The following AGAP1 variants were observed in gnomAD, a reference collection of about 807,000 sequenced individuals.
AGAP1 encodes the protein arf-GAP with GTPase, ANK repeat and PH domain-containing protein 1.
In AGAP1, 29 loss-of-function variants were observed where a neutral mutation model predicts 105.3. The observed-to-expected ratio is 0.28, with a 90% CI of 0.21 to 0.38. The LOEUF is 0.38. Ranked by LOEUF, AGAP1 falls within the 10% of genes least tolerant of loss-of-function variation. The probability of loss-of-function intolerance (pLI) is 1.00; values close to 1 mark genes in which losing one functional copy is unlikely to be tolerated. For missense variants in AGAP1, 998 were observed against 1,165.1 expected (o/e 0.86, Z 2.09); for synonymous variants, 509 against 485.9 (o/e 1.05, Z -0.63).
Position 235,792,442 on chromosome 2 carries a change from T to C in AGAP1, c.674-5317T>C, listed in dbSNP as rs576079197. Among the ~76,000 whole-genome samples the C allele has an allele frequency of 1.3e-5, 2 of 152,318 alleles. No individual in the cohort carries two copies. Among genetic ancestry groups the C allele is most frequent in the African/African-American group, 4.8e-5 (2 of 41,566 alleles). ...CAAACATGAAAGAGCCCAGTTTTGC[T>C]AAGGAGCTGTTGAAAAACTGGAAAT... On this transcript the variant is annotated intron_variant, in intron 6 of 17. Coordinates refer to ENST00000304032, the MANE Select transcript of AGAP1 (RefSeq NM_001037131.3). The surrounding 1 kb of genome is among the most constrained non-coding windows in gnomAD (Gnocchi z 5.3).
At chr2:235,497,635 C>T (rs1225312380) in intron 1 of AGAP1, among the ~76,000 whole-genome samples, 1 of 152,224 alleles carries the variant, frequency 6.6e-6, no homozygotes, top group African/African-American at 2.4e-5. Context: ...CTCGCTCTGT[C>T]GCCCAGGCTG....
intron 1 of AGAP1, among the ~76,000 whole-genome samples, chr2:235,708,364 A>G (rs1019674420): frequency 1.8e-4 from 27 of 152,156 alleles, no homozygotes; most frequent in Admixed American, 1.2e-3. Flanking sequence ...ATTTATGATA[A>G]GAAATGGCAT....
chr2:235,990,638 C>T (rs1002839216), intron 13 of AGAP1, among the ~76,000 whole-genome samples: 2 of 152,134 alleles, frequency 1.3e-5, no homozygotes, highest in Admixed American at 1.3e-4. Flanking sequence ...AGTCTTGTTT[C>T]CTCTGTGACC....
At chr2:235,868,723 G>C (rs1038254490) in intron 9 of AGAP1, among the ~76,000 whole-genome samples, 1 of 152,236 alleles carries the variant, frequency 6.6e-6, no homozygotes, top group African/African-American at 2.4e-5. Context: ...TTTTATCACA[G>C]CTTGGGGCTG....
At chr2:235,817,164 T>A (rs1328081914) in intron 9 of AGAP1, among the ~76,000 whole-genome samples, 1 of 152,120 alleles carries the variant, frequency 6.6e-6, no homozygotes, top group Non-Finnish European at 1.5e-5. Context: ...CCGTGGAACT[T>A]ATGGCACTTG....
At chr2:235,715,992 G>T (rs914692483) in intron 2 of AGAP1, among the ~76,000 whole-genome samples, 1 of 152,228 alleles carries the variant, frequency 6.6e-6, no homozygotes, top group Admixed American at 6.5e-5. Flanking sequence ...TAAAGTCCTG[G>T]TGGGAGCTAA....
chr2:235,681,509 G>A (rs918434179), intron 1 of AGAP1, among the ~76,000 whole-genome samples: 1 of 152,084 alleles, frequency 6.6e-6, no homozygotes, highest in Admixed American at 6.5e-5. Flanking sequence ...GCCGACAGGT[G>A]GACAGCCAGA....
rs775740795 is a variant in AGAP1, at chr2:236,090,400, G to T, written c.2115-29792G>T. Among the ~76,000 whole-genome samples the T allele has an allele frequency of 6.6e-6, 1 of 152,192 alleles. No homozygotes were observed. The highest frequency in any genetic ancestry group is 6.5e-5 in the Admixed American group (1 of 15,280). On this transcript the variant is annotated intron_variant, in intron 16 of 17. Coordinates refer to ENST00000304032, the MANE Select transcript of AGAP1 (RefSeq NM_001037131.3). This position sits in a 1 kb window ranked among gnomAD's most constrained non-coding sequence, Gnocchi z 4.3. ...ACGCACACTCAAGAGTCACAAATTA[G>T]AAAATAATATTCACATGTTTCTTCT...
chr2:235,851,487 G>A (rs183971916), intron 9 of AGAP1, among the ~76,000 whole-genome samples: 37 of 152,256 alleles, frequency 2.4e-4, no homozygotes, highest in African/African-American at 7.7e-4. Flanking sequence ...AATGGCCCTC[G>A]TTTCAGAGAA....
At chr2:235,774,850 A>T (rs1486063988) in intron 6 of AGAP1, among the ~76,000 whole-genome samples, 2 of 152,150 alleles carry the variant, frequency 1.3e-5, no homozygotes, top group Non-Finnish European at 2.9e-5. Context: ...GATCTGAGTG[A>T]TTGGCGCCTG....
rs867380911 is a variant in AGAP1, at chr2:235,845,423, C to G, written c.1051-37922C>G. Among the ~76,000 whole-genome samples the G allele has an allele frequency of 1.4e-4, 21 of 152,046 alleles. No homozygotes were observed. The highest frequency in any genetic ancestry group is 1.0e-3 in the South Asian group (5 of 4,800). On this transcript the variant is annotated intron_variant, in intron 9 of 17. Transcript: ENST00000304032. This position sits in a 1 kb window ranked among gnomAD's most constrained non-coding sequence, Gnocchi z 4.8. ...AGAAAATCATATGATACCCTGAGTT[C>G]CTGAGTCAGCAAACGGAATGGGGGA...
rs370682113 is a variant in AGAP1 at position 235,635,675 on chromosome 2, C to T, written c.164-73504C>T. On this transcript the variant is annotated intron_variant, in intron 1 of 17. Coordinates refer to ENST00000304032, the MANE Select transcript of AGAP1 (RefSeq NM_001037131.3). The surrounding 1 kb of genome is among the most constrained non-coding windows in gnomAD (Gnocchi z 5.3). ...CATGGCACCTTCTCCAAAGCTGCCT[C>T]GCTCCTGCACTGATGCTGTGCTATG... Among the ~76,000 whole-genome samples the T allele has an allele frequency of 1.3e-5, 2 of 152,050 alleles. No homozygotes were observed. The highest frequency in any genetic ancestry group is 2.9e-5 in the Non-Finnish European group (2 of 68,018).
intron 13 of AGAP1, among the ~76,000 whole-genome samples, chr2:236,023,172 A>G (rs1283120007): frequency 6.6e-6 from 1 of 152,216 alleles, no homozygotes; most frequent in Admixed American, 6.5e-5. Context: ...TTGCATTGAC[A>G]GTGGCTACCT....
At position 235,744,632 on chromosome 2, in the gene AGAP1, A is replaced by G; in HGVS notation, c.397-66A>G. ...CCCCCTGCTGCCTGCCGCCATGCAG[A>G]CATCTCTGTTCTTAATCAAGCCTGC... is the stretch of plus-strand genomic sequence containing the variant. On this transcript the variant is annotated intron_variant, in intron 4 of 17. Coordinates refer to ENST00000304032, the MANE Select transcript of AGAP1 (RefSeq NM_001037131.3). The surrounding 1 kb of genome is among the most constrained non-coding windows in gnomAD (Gnocchi z 5.2). 6.3e-7 allele frequency: 1 copy of G among 1,593,126 alleles called. No individual in the cohort carries two copies.
intron 11 of AGAP1, among the ~76,000 whole-genome samples, chr2:235,918,544 A>T (rs896356202): frequency 1.3e-5 from 2 of 152,210 alleles, no homozygotes; most frequent in African/African-American, 4.8e-5. Flanking sequence ...TTCCGTGTTT[A>T]TACATTGCTC....
chr2:235,920,475 T>A (rs2125101929), intron 11 of AGAP1, among the ~76,000 whole-genome samples: 1 of 152,246 alleles, frequency 6.6e-6, no homozygotes, highest in Non-Finnish European at 1.5e-5. Flanking sequence ...CTTCCTTTCT[T>A]TTGTAAACTG....
chr2:235,852,581 C>A, intron 9 of AGAP1: 1 of 1,106,582 alleles, frequency 9.0e-7, no homozygotes, highest in Non-Finnish European at 1.2e-6. Context: ...TGAATAGAGA[C>A]TGCTGAAGTA....
chr2:236,112,893 C>G (rs567279535), intron 16 of AGAP1, among the ~76,000 whole-genome samples: 20 of 151,016 alleles, frequency 1.3e-4, no homozygotes, highest in African/African-American at 4.3e-4. Context: ...CCTGCTTCCG[C>G]TCTGCAGCCC....
At chr2:235,859,747 T>C (rs1293691693) in intron 9 of AGAP1, among the ~76,000 whole-genome samples, 1 of 152,170 alleles carries the variant, frequency 6.6e-6, no homozygotes, top group Non-Finnish European at 1.5e-5. Flanking sequence ...GAATAAGTTC[T>C]GAACTATTGT....
Sources: allele counts gnomAD v4.1 joint callset (sites outside exome capture counted in the v4.1 genomes callset), GRCh38; gene constraint gnomAD v4.1.1; non-coding constraint Gnocchi (gnomAD v3.1); transcripts MANE v1.5; gene names NCBI Gene and HGNC (gene_info 2026-07-23, HGNC 2026-07-21).